POLA1: variants seen among roughly 807,000 people sequenced by gnomAD.
The protein encoded by POLA1 is DNA polymerase alpha catalytic subunit.
Under a neutral mutation model 124.0 loss-of-function variants are expected in POLA1, and 15 were observed. That is an observed-to-expected ratio of 0.12 (90% CI 0.08 to 0.19). The LOEUF (loss-of-function observed/expected upper bound fraction) is 0.19, where lower values mean the gene tolerates loss of function less well. POLA1 is among the 10% of genes least tolerant of loss of function. The pLI is 1.00. For synonymous variants in POLA1, 408 were observed against 389.4 expected, an observed-to-expected ratio of 1.05 and a Z score of -0.56; for missense variants, 886 against 1,103.4, an observed-to-expected ratio of 0.80 and a Z score of 2.79.
At chrX:24,781,933 A>C (rs2045272833) in intron 26 of POLA1, among the ~76,000 whole-genome samples, 1 of 111,914 alleles carries the variant, frequency 8.9e-6, no homozygotes, top group East Asian at 2.8e-4. Flanking sequence ...AAATGCTAGA[A>C]GTCATCTTAG....
chrX:24,899,937 T>C (rs1259209337), intron 35 of POLA1, among the ~76,000 whole-genome samples: 2 of 112,233 alleles, frequency 1.8e-5, no homozygotes, highest in African/African-American at 6.5e-5. Flanking sequence ...TAACTAAAAA[T>C]GTTTTTAAGT....
chrX:24,758,581 C>T (rs773360508), intron 26 of POLA1, among the ~76,000 whole-genome samples: 6 of 112,629 alleles, frequency 5.3e-5, no homozygotes, highest in African/African-American at 1.9e-4. Context: ...CAAATCTTGC[C>T]TGGGGTCTGT....
intron 26 of POLA1, among the ~76,000 whole-genome samples, chrX:24,792,671 C>T (rs1219674820): frequency 8.9e-6 from 1 of 112,121 alleles, no homozygotes; most frequent in East Asian, 2.8e-4. Context: ...AATTATTTTT[C>T]AGATATATCC....
At chrX:24,903,506 T>C (rs1329578883) in intron 35 of POLA1, among the ~76,000 whole-genome samples, 1 of 112,147 alleles carries the variant, frequency 8.9e-6, no homozygotes, top group Non-Finnish European at 1.9e-5. Flanking sequence ...GCCTTTATAC[T>C]GCTTGAATAT....
At chrX:24,711,526 ACT>A (rs1311221258) in intron 4 of POLA1, among the ~76,000 whole-genome samples, 3 of 111,744 alleles carry the variant, frequency 2.7e-5, no homozygotes, top group Non-Finnish European at 5.6e-5. Flanking sequence ...ACATCCAATA[ACT>A]CTGTGCATAT....
At position 24,800,234 on chromosome X, in the gene POLA1, G is replaced by A. The variant is rs944263574; in HGVS notation, c.2965-9664G>A. On this transcript the variant is annotated intron_variant, in intron 26 of 36. Coordinates refer to ENST00000379068, the MANE Select transcript of POLA1 (RefSeq NM_001330360.2). ...AGAAATCTGAAAGTTCTATTCTTAC[G>A]GTGAATTGGAGCATCCTCAATGGTA... Among the ~76,000 whole-genome samples, 6 of 111,691 alleles carry A rather than the reference G, an allele frequency of 5.4e-5. 1 individual carries two copies. The South Asian group carries it at 1.5e-3, about 28-fold the overall frequency.
Position 24,717,649 on chromosome X carries a change from A to G in POLA1, c.978A>G (p.Gln326=), listed in dbSNP as rs1438741214. The G allele has an allele frequency of 4.1e-6, 5 of 1,206,417 alleles. No homozygotes were observed. Among genetic ancestry groups the G allele is most frequent in the East Asian group, 3.0e-5 (1 of 33,817 alleles). Reference sequence around the variant, plus strand: ...AAGGTGATAGCAGTTTCTCAGTGCAAGAAGTTCAAGTGGATTCCAGTCACC... The same window carrying G: ...AAGGTGATAGCAGTTTCTCAGTGCAGGAAGTTCAAGTGGATTCCAGTCACC... ...DQEGDSSFSV[Q]EVQVDSSHLP... Residue 326 remains glutamine, a synonymous_variant, in exon 10 of 37, where the codon CAA becomes CAG. Transcript: ENST00000379068.
chrX:24,954,693 TAAG>T (rs1384863466), intron 36 of POLA1, among the ~76,000 whole-genome samples: 2 of 112,242 alleles, frequency 1.8e-5, no homozygotes, highest in African/African-American at 6.5e-5. Context: ...GTAAAATCTG[TAAG>T]AAGTTTAGCC....
At chrX:24,731,424 A>G (rs1193676253) in intron 15 of POLA1, among the ~76,000 whole-genome samples, 2 of 112,522 alleles carry the variant, frequency 1.8e-5, no homozygotes. Flanking sequence ...ATGAAAATTT[A>G]AATTCTGCCT....
intron 34 of POLA1, among the ~76,000 whole-genome samples, chrX:24,853,148 T>TA (rs2046587649): frequency 8.9e-6 from 1 of 112,358 alleles, no homozygotes; most frequent in African/African-American, 3.2e-5. Flanking sequence ...GAGAGACCTC[T>TA]TTAAAATTTT....
rs1290871657 is a variant in POLA1, at chrX:24,716,460, G to T, written c.618+6G>T. 1 of 1,026,140 alleles carries T rather than the reference G, an allele frequency of 9.7e-7. No individual in the cohort carries two copies. Among genetic ancestry groups the T allele is most frequent in the Non-Finnish European group, 1.4e-6 (1 of 728,050 alleles). 84.6% of individuals were successfully genotyped at this position (1,026,140 alleles called of 1,213,427 possible). A position where few individuals can be genotyped will look rare whatever the true frequency, so the allele number is the denominator to read the frequency against. On this transcript the variant is annotated splice_donor_region_variant and intron_variant, in intron 7 of 36. Transcript: ENST00000379068. Reference sequence around the variant, plus strand: ...TCTCTGTGCACACCGCCACGGTAAAGTGTGTAGAGATACCTTCAATCTTGA... The same window carrying T: ...TCTCTGTGCACACCGCCACGGTAAATTGTGTAGAGATACCTTCAATCTTGA...
At chrX:24,954,839 C>G (rs2048088084) in intron 36 of POLA1, among the ~76,000 whole-genome samples, 1 of 111,783 alleles carries the variant, frequency 8.9e-6, no homozygotes, top group Admixed American at 9.5e-5. Flanking sequence ...ATGAGCTATT[C>G]TTTTTAAGAG....
At chrX:24,886,597 G>T (rs1182138835) in intron 34 of POLA1, among the ~76,000 whole-genome samples, 1 of 111,473 alleles carries the variant, frequency 9.0e-6, no homozygotes, top group Non-Finnish European at 1.9e-5. Flanking sequence ...AGGTCAAACG[G>T]CACAGCAGCA....
rs749157282 is a variant in POLA1, at chrX:24,801,152, C to CT, written c.2965-8744dup. Among the ~76,000 whole-genome samples, 15 of 112,148 alleles carry CT rather than the reference C, an allele frequency of 1.3e-4. No homozygotes were observed. In the South Asian group the frequency reaches 5.6e-3, roughly 42 times the overall value. ...GTCATTGGAATAGAAATTCTTTTCT[C>CT]TTGAGTGAATATTTGTTTATATAAC... On this transcript the variant is annotated intron_variant, in intron 26 of 36. Coordinates refer to ENST00000379068, the MANE Select transcript of POLA1 (RefSeq NM_001330360.2).
chrX:24,950,802 C>T (rs973120471), intron 36 of POLA1, among the ~76,000 whole-genome samples: 1 of 111,767 alleles, frequency 8.9e-6, no homozygotes, highest in African/African-American at 3.3e-5. Context: ...ATCTCCTTCC[C>T]TGGTGTTTTT....
chrX:24,951,888 A>G (rs908754164), intron 36 of POLA1, among the ~76,000 whole-genome samples: 1 of 111,986 alleles, frequency 8.9e-6, no homozygotes, highest in African/African-American at 3.2e-5. Flanking sequence ...ATCTATTAAA[A>G]TAGAAGAGTT....
chrX:24,939,315 G>A (rs1396266397), intron 36 of POLA1, among the ~76,000 whole-genome samples: 1 of 112,156 alleles, frequency 8.9e-6, no homozygotes, highest in Non-Finnish European at 1.9e-5. Context: ...CAATTCGCAA[G>A]CAGTTAAGCC....
intron 35 of POLA1, among the ~76,000 whole-genome samples, chrX:24,907,037 T>A (rs762094535): frequency 3.2e-4 from 35 of 111,057 alleles, no homozygotes; most frequent in East Asian, 3.1e-3. Flanking sequence ...GAAATTTTTT[T>A]AAAAATTAGC....
chrX:24,717,606 G>C lies in POLA1; in HGVS notation c.935G>C (p.Cys312Ser), dbSNP rs777668998. The change falls in exon 10 of 37, where the codon TGT becomes TCT. Residue 312 changes from cysteine to serine, a missense_variant. Coordinates refer to ENST00000379068, the MANE Select transcript of POLA1 (RefSeq NM_001330360.2). ...YLGSFLPDVS[C>S]WDIDQEGDSS... ...GGAAGTTTTCTCCCGGATGTCTCTT[G>C]TTGGGACATTGATCAAGAAGGTGAT... 3 of 1,210,190 alleles carry C rather than the reference G, an allele frequency of 2.5e-6. No individual in the cohort carries two copies. The highest frequency in any genetic ancestry group is 3.4e-6 in the Non-Finnish European group (3 of 894,242).
Sources: gnomAD v4.1 joint callset for allele counts (sites outside exome capture counted in the v4.1 genomes callset) on GRCh38, gnomAD v4.1.1 for gene constraint, MANE v1.5 for transcripts, NCBI Gene and HGNC (gene_info 2026-07-23, HGNC 2026-07-21) for gene names.